The following NIBAN3 variants were observed in gnomAD, a reference collection of about 807,000 sequenced individuals.
NIBAN3 encodes niban apoptosis regulator 3, also known as protein Niban 3.
In NIBAN3, 66 loss-of-function variants were observed where a neutral mutation model predicts 76.4. The observed-to-expected ratio is 0.86, with a 90% CI of 0.71 to 1.06. The LOEUF is 1.06. Among genes scored for constraint, NIBAN3 ranks in the 50% least tolerant of loss-of-function variants. The probability of loss-of-function intolerance (pLI) is 0.00; values close to 1 mark genes in which losing one functional copy is unlikely to be tolerated. For missense variants in NIBAN3, 808 were observed against 810.7 expected, an observed-to-expected ratio of 1.00 and a Z score of 0.04; for synonymous variants, 360 against 355.2, an observed-to-expected ratio of 1.01 and a Z score of -0.15.
In NIBAN3 at chr19:17,546,758, G is replaced by A. The variant is rs1200877132; in HGVS notation, c.1627G>A (p.Asp543Asn). ...QALTTEGIYE[D>N]VIRGCLLQRI... Reference sequence around the variant, plus strand: ...TCTGACCACTGAGGGCATCTATGAGGACGTCATCCGGGGGTGCTTGCTGCA... The same window carrying A: ...TCTGACCACTGAGGGCATCTATGAGAACGTCATCCGGGGGTGCTTGCTGCA... The change falls in exon 13 of 15, where the codon GAC becomes AAC. Residue 543 changes from aspartate to asparagine, a missense_variant. Asp to Asn is a conservative substitution (Grantham distance 23, BLOSUM62 1). Coordinates refer to ENST00000599164, the MANE Select transcript of NIBAN3 (RefSeq NM_001321827.2). 2.5e-6 allele frequency: 4 copies of A among 1,605,456 alleles called. No individual in the cohort carries two copies. Among genetic ancestry groups the A allele is most frequent in the Non-Finnish European group, 3.4e-6 (4 of 1,176,830 alleles).
At chr19:17,536,054 C>G (rs2075819529) in intron 4 of NIBAN3, among the ~76,000 whole-genome samples, 1 of 152,222 alleles carries the variant, frequency 6.6e-6, no homozygotes, top group African/African-American at 2.4e-5. Flanking sequence ...CACACAGTTT[C>G]ACGCAGATTT....
chr19:17,555,030 T>C (rs936994137), downstream of NIBAN3, among the ~76,000 whole-genome samples: 5 of 151,814 alleles, frequency 3.3e-5, no homozygotes, highest in Admixed American at 3.3e-4. Flanking sequence ...CATGAAAACA[T>C]GGCCCTTGTC....
intron 5 of NIBAN3, among the ~76,000 whole-genome samples, chr19:17,538,273 G>A (rs1392563891): frequency 3.3e-5 from 5 of 151,796 alleles, no homozygotes; most frequent in Admixed American, 6.6e-5. Flanking sequence ...AAAATTAGCC[G>A]AGCGTGGTGG....
Position 17,530,866 on chromosome 19 carries a change from G to A in NIBAN3, c.167G>A (p.Ser56Asn). The change falls in exon 2 of 15, where the codon AGC becomes AAC. Residue 56 changes from serine to asparagine, a missense_variant. Ser to Asn is a conservative substitution (Grantham distance 46). Coordinates refer to ENST00000599164, the MANE Select transcript of NIBAN3 (RefSeq NM_001321827.2). ...RELGPQEPTG[S>N]QLLRSKKLPR... ...CTGGGCCCTCAGGAGCCGACCGGAA[G>A]CCAGTTGCTACGCAGCAAAGTGGGT... The A allele has an allele frequency of 6.2e-7, 1 of 1,613,402 alleles. No individual in the cohort carries two copies. The highest frequency in any genetic ancestry group is 8.5e-7 in the Non-Finnish European group (1 of 1,179,830).
Position 17,553,482 on chromosome 19 carries a change from G to A in NIBAN3, c.*1584G>A. 6.2e-7 allele frequency: 1 copy of A among 1,614,188 alleles called. No individual in the cohort carries two copies. The highest frequency in any genetic ancestry group is 8.5e-7 in the Non-Finnish European group (1 of 1,180,042). Reference sequence around the variant, plus strand: ...GGGATTCCCGTGTGTTCTTGGTTCAGCTTGCAGAGGGACTTTCACACTCCC... The same window carrying A: ...GGGATTCCCGTGTGTTCTTGGTTCAACTTGCAGAGGGACTTTCACACTCCC... On this transcript the variant is annotated 3_prime_UTR_variant, in exon 15 of 15. Coordinates refer to ENST00000599164, the MANE Select transcript of NIBAN3 (RefSeq NM_001321827.2).
At chr19:17,527,246 C>G (rs199893055), upstream of NIBAN3, 89 of 1,549,586 alleles carry the variant, frequency 5.7e-5, no homozygotes, top group East Asian at 2.0e-3. Flanking sequence ...CCACTGTGAC[C>G]AAGCCTCTCA....
At chr19:17,539,510 C>T in intron 7 of NIBAN3, 59 bp downstream of exon 7, 1 of 1,459,896 alleles carries the variant, frequency 6.8e-7, no homozygotes, top group Non-Finnish European at 9.1e-7. Flanking sequence ...GGGTTCCCCT[C>T]CCACGACTGT....
In NIBAN3 at chr19:17,539,402, TTCCTGGCCTGCGGGGGGCAGGCC is replaced by T; in HGVS notation, c.768_790del (p.Pro257ArgfsTer146). On this transcript the variant is annotated frameshift_variant, in exon 7 of 15. Transcript: ENST00000599164. LOFTEE classifies it high-confidence loss of function. ...CTTCCCGCGCTGCGAGCCCAGACCCTTCCTGGCCTGCGGGGGGCAGGCCGCGCCCGCGCCTGGGCCTGGACCGA... is the reference window on the plus strand; with the variant it reads ...CTTCCCGCGCTGCGAGCCCAGACCCTGCGCCCGCGCCTGGGCCTGGACCGA... 6.5e-7 allele frequency: 1 copy of T among 1,533,868 alleles called. No individual in the cohort carries two copies. Among genetic ancestry groups the T allele is most frequent in the Non-Finnish European group, 8.7e-7 (1 of 1,142,914 alleles).
At chr19:17,535,263 A>AC (rs1331562075) in intron 4 of NIBAN3, among the ~76,000 whole-genome samples, 1 of 151,896 alleles carries the variant, frequency 6.6e-6, no homozygotes, top group Admixed American at 6.6e-5. Context: ...ACATAGTGAG[A>AC]CCCCCATCTC....
At chr19:17,537,617 G>A (rs1042654069) in intron 5 of NIBAN3, 74 bp downstream of exon 5, 12 of 1,413,002 alleles carry the variant, frequency 8.5e-6, no homozygotes, top group South Asian at 4.1e-5. Context: ...CTGTTGGCTC[G>A]GGACCTCTCC....
At position 17,546,829 on chromosome 19, in the gene NIBAN3, C is replaced by A. The variant is rs372487299; in HGVS notation, c.1666+32C>A. On this transcript the variant is annotated intron_variant, in intron 13 of 14. Coordinates refer to ENST00000599164, the MANE Select transcript of NIBAN3 (RefSeq NM_001321827.2). Reference sequence around the variant, plus strand: ...CCCGCCCTGCCATGGCTCAGAGGAGCCTGGCGTCCCTTGGCTGTATGTACC... The same window carrying A: ...CCCGCCCTGCCATGGCTCAGAGGAGACTGGCGTCCCTTGGCTGTATGTACC... 10 of 1,564,282 alleles carry A rather than the reference C, an allele frequency of 6.4e-6. 1 individual carries two copies. In the South Asian group the frequency reaches 1.2e-4, roughly 18 times the overall value.
At chr19:17,524,803 G>A (rs2075589303), upstream of NIBAN3, among the ~76,000 whole-genome samples, 1 of 152,156 alleles carries the variant, frequency 6.6e-6, no homozygotes, top group Admixed American at 6.6e-5. Flanking sequence ...CTGCCTCATG[G>A]CCCAAGGTGG....
At chr19:17,531,323 TCAAACACA>T (rs2075718186) in intron 2 of NIBAN3, among the ~76,000 whole-genome samples, 1 of 115,802 alleles carries the variant, frequency 8.6e-6, no homozygotes, top group African/African-American at 3.6e-5. Flanking sequence ...CTAGACTCTG[TCAAACACA>T]CACACACACA....
Position 17,539,708 on chromosome 19 carries a change from C to T in NIBAN3, c.922C>T (p.Arg308Cys). 2 of 1,549,762 alleles carry T rather than the reference C, an allele frequency of 1.3e-6. No homozygotes were observed. ...GCTTGCGTCGCTGGAGAAGACGATC[C>T]GCCCGGACGTGGACCAGCTGCTGCG... ...ELLASLEKTI[R>C]PDVDQLLRQR... The change falls in exon 8 of 15, where the codon CGC becomes TGC. Residue 308 changes from arginine to cysteine, a missense_variant. Physicochemically the swap from Arg to Cys is radical, Grantham distance 180. Coordinates refer to ENST00000599164, the MANE Select transcript of NIBAN3 (RefSeq NM_001321827.2).
chr19:17,533,635 T>TAC lies in NIBAN3; in HGVS notation c.364_365dup (p.Leu123ArgfsTer3). ...CCTTGGCTCAACAGCCCTGACAGGA[T>TAC]ACACGCTCCTGACTTCCCAGCGAGA... On this transcript the variant is annotated frameshift_variant, in exon 4 of 15. Coordinates refer to ENST00000599164, the MANE Select transcript of NIBAN3 (RefSeq NM_001321827.2). LOFTEE classifies it high-confidence loss of function. 1 of 1,614,110 alleles carries TAC rather than the reference T, an allele frequency of 6.2e-7. No homozygotes were observed. Among genetic ancestry groups the TAC allele is most frequent in the Non-Finnish European group, 8.5e-7 (1 of 1,180,028 alleles).
At chr19:17,545,166 T>TTTTA (rs1382144500) in intron 12 of NIBAN3, 1 of 26,022 alleles carries the variant, frequency 3.8e-5, no homozygotes, top group African/African-American at 1.4e-4. Flanking sequence ...ATTTTATTTA[T>TTTTA]TTTATTTTAT....
chr19:17,528,182 C>T (rs1206731730), intron 1 of NIBAN3, among the ~76,000 whole-genome samples: 4 of 152,064 alleles, frequency 2.6e-5, no homozygotes, highest in African/African-American at 7.2e-5. Context: ...ACCTCCGCCT[C>T]CAGGATTCAA....
intron 9 of NIBAN3, among the ~76,000 whole-genome samples, chr19:17,541,156 A>G (rs770392475): frequency 3.3e-5 from 5 of 152,206 alleles, no homozygotes; most frequent in South Asian, 2.1e-4. Flanking sequence ...GCAACAACCC[A>G]GAGAATTCTG....
Position 17,542,209 on chromosome 19 carries a change from G to A in NIBAN3, c.1244G>A (p.Arg415Gln), listed in dbSNP as rs530918243. ...TGCTACCGTGAGGCCGAGCGGAGCCGGGGGCGCTTGGGGCAGCTGGCAGCA... is the reference window on the plus strand; with the variant it reads ...TGCTACCGTGAGGCCGAGCGGAGCCAGGGGCGCTTGGGGCAGCTGGCAGCA... ...QTCYREAERS[R>Q]GRLGQLAAPF... The change falls in exon 10 of 15, where the codon CGG (arginine) becomes CAG (glutamine). Residue 415 changes from arginine (R) to glutamine (Q), a missense_variant. Arg to Gln is a conservative substitution (Grantham distance 43). Transcript: ENST00000599164. This position sits in a 1 kb window ranked among gnomAD's most constrained non-coding sequence, Gnocchi z 4.8. 34 of 1,613,904 alleles carry A rather than the reference G, an allele frequency of 2.1e-5. No homozygotes were observed. The South Asian group carries it at 2.4e-4, about 11-fold the overall frequency.
Sources: gnomAD v4.1 joint callset for allele counts (sites outside exome capture counted in the v4.1 genomes callset) on GRCh38, gnomAD v4.1.1 for gene constraint, Gnocchi (gnomAD v3.1) non-coding constraint, MANE v1.5 for transcripts, NCBI Gene and HGNC (gene_info 2026-07-23, HGNC 2026-07-21) for gene names.